The following PRKG2 variants were observed in gnomAD, a reference collection of about 807,000 sequenced individuals.
The protein encoded by PRKG2 is cGMP-dependent protein kinase 2.
Under a neutral mutation model 97.2 loss-of-function variants are expected in PRKG2, and 33 were observed. The observed-to-expected ratio is 0.34, with a 90% CI of 0.26 to 0.45. The LOEUF is 0.45. PRKG2 is among the 20% of genes least tolerant of loss of function. PRKG2 has a pLI of 1.00. For synonymous variants in PRKG2, 330 were observed against 321.8 expected, an observed-to-expected ratio of 1.03 and a Z score of -0.27; for missense variants, 638 against 900.0, an observed-to-expected ratio of 0.71 and a Z score of 3.73.
At chr4:81,110,377 A>G (rs917601954) in intron 15 of PRKG2, 71 bp downstream of exon 15, 126 of 1,488,820 alleles carry the variant, frequency 8.5e-5, no homozygotes, top group Non-Finnish European at 1.1e-4. Flanking sequence ...AAGTATATAC[A>G]CTTTATCACT....
chr4:81,113,993 T>C (rs959652172), intron 14 of PRKG2, among the ~76,000 whole-genome samples: 1 of 152,160 alleles, frequency 6.6e-6, no homozygotes, highest in Non-Finnish European at 1.5e-5. Flanking sequence ...CTCTTTATGT[T>C]TGGTGTACAG....
chr4:81,165,939 A>G (rs946031370), intron 6 of PRKG2, among the ~76,000 whole-genome samples: 4 of 152,046 alleles, frequency 2.6e-5, no homozygotes, highest in African/African-American at 9.7e-5. Context: ...AAAAAAAACT[A>G]GGGCCTCTCC....
intron 3 of PRKG2, among the ~76,000 whole-genome samples, chr4:81,174,549 G>A (rs1011177651): frequency 6.6e-6 from 1 of 151,882 alleles, no homozygotes; most frequent in African/African-American, 2.4e-5. Context: ...GATAAAATGT[G>A]ATCTCTCTAT....
chr4:81,169,481 G>T (rs1750272491), intron 5 of PRKG2, among the ~76,000 whole-genome samples, 182 bp downstream of exon 5: 1 of 152,042 alleles, frequency 6.6e-6, no homozygotes, highest in African/African-American at 2.4e-5. Flanking sequence ...AAGGATAATA[G>T]AAATTAAATA....
In PRKG2 at chr4:81,169,683, T is replaced by C. The variant is rs370346328; in HGVS notation, c.828A>G (p.Gln276=). The change falls in exon 5 of 19, where the codon CAA becomes CAG. Residue 276 remains glutamine (Q), a synonymous_variant. Transcript: ENST00000264399. ...MRRTAQARDE[Q]YRNFLRSVSL... ...CTTACCTTCTGAGGAAGTTTCTGTA[T>C]TGTTCATCTCTAGCTTGGGCTGTCC... 3.1e-6 allele frequency: 5 copies of C among 1,605,002 alleles called. No individual in the cohort carries two copies. The African/African-American group carries it at 6.7e-5, about 22-fold the overall frequency.
intron 2 of PRKG2, chr4:81,192,118 T>C (rs1752578846): frequency 6.6e-6 from 1 of 152,196 alleles, no homozygotes; most frequent in Non-Finnish European, 1.5e-5. Flanking sequence ...GGAAATACTA[T>C]ATAGCAATGA....
chr4:81,138,346 C>A (rs1197385640), intron 12 of PRKG2, among the ~76,000 whole-genome samples: 2 of 151,950 alleles, frequency 1.3e-5, no homozygotes, highest in Admixed American at 1.3e-4. Context: ...ACATCCAGAC[C>A]AAAGCAGACA....
chr4:81,142,979 A>G, intron 10 of PRKG2, 32 bp from the exon 11 acceptor site: 1 of 1,565,370 alleles, frequency 6.4e-7, no homozygotes, highest in Admixed American at 1.7e-5. Flanking sequence ...TTACACACAC[A>G]CACCCATAAT....
At position 81,140,678 on chromosome 4, in the gene PRKG2, G is replaced by T. The variant is rs377467484; in HGVS notation, c.1408-9C>A. 6.3e-6 allele frequency: 10 copies of T among 1,594,510 alleles called. No individual in the cohort carries two copies. In the African/African-American group the frequency reaches 1.3e-4, roughly 21 times the overall value. On this transcript the variant is annotated splice_polypyrimidine_tract_variant and intron_variant, in intron 11 of 18. Transcript: ENST00000264399. ...TCATTTTTTACTTTAACCTATGTAA[G>T]AAATGGAAAGATACCTCAAAATTAA...
At chr4:81,091,393 C>T (rs1399243692) in intron 18 of PRKG2, among the ~76,000 whole-genome samples, 1 of 152,118 alleles carries the variant, frequency 6.6e-6, no homozygotes, top group Non-Finnish European at 1.5e-5. Flanking sequence ...CGCCATTCTC[C>T]TGCCTCAGCC....
intron 9 of PRKG2, among the ~76,000 whole-genome samples, chr4:81,144,602 A>C (rs1444463155): frequency 5.4e-5 from 7 of 129,660 alleles, no homozygotes; most frequent in African/African-American, 2.9e-4. Flanking sequence ...GGTTATATAT[A>C]TATATATATT....
At chr4:81,168,848 A>T (rs1475669216) in intron 5 of PRKG2, among the ~76,000 whole-genome samples, 1 of 152,010 alleles carries the variant, frequency 6.6e-6, no homozygotes, top group Non-Finnish European at 1.5e-5. Flanking sequence ...TGCTAGAAAA[A>T]ATTACCATAA....
At chr4:81,202,018 G>C (rs560609620) in intron 2 of PRKG2, among the ~76,000 whole-genome samples, 123 of 152,226 alleles carry the variant, frequency 8.1e-4, no homozygotes, top group African/African-American at 2.8e-3. Context: ...ATAAACAGAA[G>C]AGCCATTATG....
chr4:81,098,083 G>T (rs1334276970), intron 17 of PRKG2, among the ~76,000 whole-genome samples: 1 of 152,078 alleles, frequency 6.6e-6, no homozygotes, highest in African/African-American at 2.4e-5. Context: ...GCTGGGAAAG[G>T]CAGACCCACC....
At chr4:81,099,817 C>T (rs1358165762) in intron 17 of PRKG2, among the ~76,000 whole-genome samples, 1 of 152,144 alleles carries the variant, frequency 6.6e-6, no homozygotes, top group Non-Finnish European at 1.5e-5. Flanking sequence ...GGAAACCCCA[C>T]TGTCTCAGCC....
chr4:81,201,324 A>G, intron 2 of PRKG2, among the ~76,000 whole-genome samples: 1 of 152,226 alleles, frequency 6.6e-6, no homozygotes, highest in Non-Finnish European at 1.5e-5. Flanking sequence ...ATTGGCTACC[A>G]TATCGTAAAG....
At chr4:81,194,452 A>G (rs1752812313) in intron 2 of PRKG2, among the ~76,000 whole-genome samples, 2 of 152,134 alleles carry the variant, frequency 1.3e-5, no homozygotes, top group African/African-American at 4.8e-5. Flanking sequence ...TTGAGAAACT[A>G]GCGTGACAAA....
At chr4:81,151,604 A>T (rs1748408249) in intron 8 of PRKG2, among the ~76,000 whole-genome samples, 2 of 152,136 alleles carry the variant, frequency 1.3e-5, no homozygotes, top group South Asian at 4.1e-4. Flanking sequence ...CGTAATTTTT[A>T]AAAAGGTGAA....
upstream of PRKG2, among the ~76,000 whole-genome samples, chr4:81,216,412 CA>C (rs1754275039): frequency 6.6e-6 from 1 of 150,890 alleles, no homozygotes; most frequent in Non-Finnish European, 1.5e-5. Context: ...AAGAATTCCA[CA>C]AGAAAAGAGA....
Sources: gnomAD v4.1 joint callset for allele counts (sites outside exome capture counted in the v4.1 genomes callset) on GRCh38, gnomAD v4.1.1 for gene constraint, MANE v1.5 for transcripts, NCBI Gene and HGNC (gene_info 2026-07-23, HGNC 2026-07-21) for gene names.